Variants in FBXO36 observed in about 807,000 individuals in gnomAD.
FBXO36 encodes F-box protein 36.
FBXO36 carries 18 observed loss-of-function variants against 17.0 expected under a neutral mutation model. The ratio of observed to expected loss-of-function variants is 1.06; its 90% confidence interval spans 0.73 to 1.57. The LOEUF (loss-of-function observed/expected upper bound fraction) is 1.57. Ranked by LOEUF, FBXO36 falls within the 40% of genes most tolerant of loss-of-function variation. FBXO36 has a pLI of 0.00. For synonymous variants in FBXO36, 83 were observed against 85.3 expected (o/e 0.97, Z 0.15); for missense variants, 229 against 221.9 (o/e 1.03, Z -0.20).
intron 1 of FBXO36, among the ~76,000 whole-genome samples, chr2:229,932,208 C>T (rs766871817): frequency 3.3e-5 from 5 of 151,370 alleles, no homozygotes; most frequent in African/African-American, 9.7e-5. Context: ...GGTGAAACCC[C>T]GTCTCCACTA....
chr2:229,923,367 C>T (rs1577317830), intron 1 of FBXO36: 1 of 152,200 alleles, frequency 6.6e-6, no homozygotes, highest in South Asian at 2.1e-4. Flanking sequence ...AAATTCTCAA[C>T]TTGAGCGGGG....
intron 1 of FBXO36, among the ~76,000 whole-genome samples, chr2:229,961,720 C>A (rs1478184094): frequency 6.6e-6 from 1 of 152,034 alleles, no homozygotes; most frequent in East Asian, 1.9e-4. Context: ...TCCTCTTTCC[C>A]CGAAAAAGGT....
chr2:229,956,118 T>C (rs1313585309), intron 1 of FBXO36, among the ~76,000 whole-genome samples: 1 of 152,224 alleles, frequency 6.6e-6, no homozygotes, highest in Non-Finnish European at 1.5e-5. Flanking sequence ...TTTTGGGAGC[T>C]GTATTAGTTT....
intron 3 of FBXO36, among the ~76,000 whole-genome samples, chr2:230,008,331 A>G (rs1045342109): frequency 1.3e-5 from 2 of 152,162 alleles, no homozygotes; most frequent in African/African-American, 4.8e-5. Context: ...TTGACAATTT[A>G]TGTATGCAAA....
chr2:229,934,897 A>G (rs1179264007), intron 1 of FBXO36, among the ~76,000 whole-genome samples: 1 of 152,132 alleles, frequency 6.6e-6, no homozygotes, highest in African/African-American at 2.4e-5. Context: ...ACAGCCTCTC[A>G]AAGTGCTGGG....
intron 2 of FBXO36, among the ~76,000 whole-genome samples, chr2:229,984,051 T>C (rs1478865935): frequency 6.6e-6 from 1 of 152,184 alleles, no homozygotes; most frequent in Non-Finnish European, 1.5e-5. Context: ...GTATATATGT[T>C]TATAAAAATA....
intron 1 of FBXO36, among the ~76,000 whole-genome samples, chr2:229,944,588 T>G (rs1246200043): frequency 8.5e-6 from 1 of 117,100 alleles, no homozygotes; most frequent in Non-Finnish European, 1.6e-5. Context: ...TTTTTTTTCT[T>G]TTTCTTTTTT....
chr2:229,989,980 A>G lies in FBXO36; in HGVS notation c.206-6771A>G, dbSNP rs548730484. On this transcript the variant is annotated intron_variant, in intron 2 of 3. Transcript: ENST00000283946. The stretch of plus-strand genomic sequence containing the variant: ...ATTCTGGTCTTATTTCTGACATTAG[A>G]GGTTATATACCATCATGATTGGAGG... 2.6e-5 allele frequency among the ~76,000 whole-genome samples: 4 copies of G among 151,948 alleles called. No individual in the cohort carries two copies. In the South Asian group the frequency reaches 8.3e-4, roughly 32 times the overall value.
At chr2:229,950,195 AGGTG>A (rs1464675608) in intron 1 of FBXO36, among the ~76,000 whole-genome samples, 7 of 152,176 alleles carry the variant, frequency 4.6e-5, no homozygotes, top group Admixed American at 1.3e-4. Flanking sequence ...TGGGAGCCTG[AGGTG>A]GGTGGATCAC....
At chr2:229,929,702 CA>C (rs370499613) in intron 1 of FBXO36, among the ~76,000 whole-genome samples, 1 of 150,584 alleles carries the variant, frequency 6.6e-6, no homozygotes, top group East Asian at 2.0e-4. Flanking sequence ...ACTAAAAATA[CA>C]AAAAAATTAG....
chr2:230,005,516 A>G (rs1386696859), intron 3 of FBXO36, among the ~76,000 whole-genome samples: 4 of 152,214 alleles, frequency 2.6e-5, no homozygotes, highest in Non-Finnish European at 4.4e-5. Context: ...GCTAAGTGTA[A>G]CTATTTAAAA....
chr2:229,925,282 A>G (rs559578127), intron 1 of FBXO36, among the ~76,000 whole-genome samples: 1 of 152,152 alleles, frequency 6.6e-6, no homozygotes, highest in South Asian at 2.1e-4. Context: ...TAATTAATTC[A>G]CCCTCTTTTT....
chr2:229,942,726 T>C (rs2106164830), intron 1 of FBXO36: 1 of 152,460 alleles, frequency 6.6e-6, no homozygotes, highest in South Asian at 2.1e-4. Context: ...CGACTTTTGC[T>C]GCCCATACCA....
rs952250104 is a variant in FBXO36, at chr2:229,922,518, C to T, written c.5C>T (p.Ala2Val). The stretch of plus-strand genomic sequence containing the variant: ...CGACGGCGGTGGCGTCCCAAGATGG[C>T]GTCGTGGCTGCCGGAGACTCTCTTT... M[A>V]SWLPETLFET... Residue 2 changes from alanine (A) to valine (V), a missense_variant, in exon 1 of 4, where the codon GCG becomes GTG. Transcript: ENST00000283946. The T allele has an allele frequency of 7.4e-6, 12 of 1,613,760 alleles. No homozygotes were observed. Among genetic ancestry groups the T allele is most frequent in the Admixed American group, 1.7e-5 (1 of 59,986 alleles).
chr2:230,010,969 G>A lies in FBXO36; in HGVS notation c.*85G>A. Reference sequence around the variant, plus strand: ...AATCTCTTCTGTCTCCTTTTCTTAAGAACTAAGAGGTTTTGTTGATGCGTG... The same window carrying A: ...AATCTCTTCTGTCTCCTTTTCTTAAAAACTAAGAGGTTTTGTTGATGCGTG... On this transcript the variant is annotated 3_prime_UTR_variant, in exon 4 of 4. Coordinates refer to ENST00000283946, the MANE Select transcript of FBXO36 (RefSeq NM_174899.5). The A allele has an allele frequency of 7.3e-7, 1 of 1,376,994 alleles. No individual in the cohort carries two copies. The highest frequency in any genetic ancestry group is 9.7e-7 in the Non-Finnish European group (1 of 1,026,110). The allele number at this position is 1,376,994 out of a possible 1,614,324, so 85.3% of individuals were successfully genotyped here. A position where few individuals can be genotyped will look rare whatever the true frequency, so the allele number is the denominator to read the frequency against.
In FBXO36 at chr2:230,002,364, T is replaced by A. The variant is rs367585513; in HGVS notation, c.378+5441T>A. Among the ~76,000 whole-genome samples the A allele has an allele frequency of 2.6e-5, 4 of 152,032 alleles. No individual in the cohort carries two copies. The South Asian group carries it at 6.2e-4, about 24-fold the overall frequency. On this transcript the variant is annotated intron_variant, in intron 3 of 3. Transcript: ENST00000283946. ...TTAGTAATTAAATCTTTCTCTGTTT[T>A]TTCCCCCCCGTACGTTAATTTTTTT...
intron 1 of FBXO36, among the ~76,000 whole-genome samples, chr2:229,966,762 C>T (rs937305448): frequency 5.9e-5 from 9 of 152,082 alleles, no homozygotes; most frequent in Non-Finnish European, 1.3e-4. Flanking sequence ...GTACCAGTAC[C>T]ATGCTGTTTT....
intron 2 of FBXO36, among the ~76,000 whole-genome samples, chr2:229,984,860 C>A (rs1051614862): frequency 2.6e-5 from 4 of 152,144 alleles, no homozygotes; most frequent in African/African-American, 9.7e-5. Context: ...GCTGTTCTCA[C>A]TGAAGCCTTT....
At chr2:229,992,251 G>A (rs1284750873) in intron 2 of FBXO36, among the ~76,000 whole-genome samples, 1 of 151,582 alleles carries the variant, frequency 6.6e-6, no homozygotes, top group African/African-American at 2.4e-5. Context: ...TCTGCCTCCC[G>A]GGTTCAAGCA....
Sources: gnomAD v4.1 joint callset for allele counts (sites outside exome capture counted in the v4.1 genomes callset) on GRCh38, gnomAD v4.1.1 for gene constraint, MANE v1.5 for transcripts, NCBI Gene and HGNC (gene_info 2026-07-23, HGNC 2026-07-21) for gene names.